C10orf105: variants seen among roughly 807,000 people sequenced by gnomAD.
C10orf105 encodes chromosome 10 open reading frame 105.
In C10orf105, 2 loss-of-function variants were observed where a neutral mutation model predicts 0.6. The ratio of observed to expected loss-of-function variants is 3.18; its 90% CI spans 1.30 to 10.01. C10orf105 has a LOEUF of 10.01. Ranked by LOEUF, C10orf105 falls within the 30% of genes most tolerant of loss-of-function variation. The probability of loss-of-function intolerance (pLI) is 0.04; values close to 1 mark genes in which losing one functional copy is unlikely to be tolerated. For missense variants in C10orf105, 209 were observed against 191.4 expected (o/e 1.09, Z -0.54); for synonymous variants, 95 against 82.4 (o/e 1.15, Z -0.83).
chr10:71,737,037 G>A (rs183081352), intron 1 of C10orf105, among the ~76,000 whole-genome samples: 5 of 152,310 alleles, frequency 3.3e-5, no homozygotes, highest in African/African-American at 9.6e-5. Flanking sequence ...GTCTAAATGA[G>A]GCCTTAGCTA....
chr10:71,729,420 G>A (rs1839278769), intron 1 of C10orf105, among the ~76,000 whole-genome samples: 1 of 152,200 alleles, frequency 6.6e-6, no homozygotes, highest in Non-Finnish European at 1.5e-5. Flanking sequence ...CCCCCAGGGA[G>A]CCCTAAAGCG....
At chr10:71,725,246 C>T (rs1866752245) in intron 1 of C10orf105, 3 of 1,506,962 alleles carry the variant, frequency 2.0e-6, no homozygotes, top group African/African-American at 1.4e-5. Flanking sequence ...TTCTGTGTCC[C>T]AGAAGACCCG....
chr10:71,732,397 G>T lies in C10orf105; in HGVS notation c.-6+5331C>A, dbSNP rs727502926. The T allele has an allele frequency of 6.4e-7, 1 of 1,552,980 alleles. No individual in the cohort carries two copies. The highest frequency in any genetic ancestry group is 8.7e-7 in the Non-Finnish European group (1 of 1,147,730). On this transcript the variant is annotated intron_variant, in intron 1 of 1. Transcript: ENST00000398786. ...CACGGTGAGGGGCTGGGGGCAGGGAGCACCATTTCTTCCAATCTAACCAAC... is the reference window on the plus strand; with the variant it reads ...CACGGTGAGGGGCTGGGGGCAGGGATCACCATTTCTTCCAATCTAACCAAC...
rs773489759 is a variant in C10orf105, at chr10:71,713,545, C to A, written c.*2391G>T. On this transcript the variant is annotated 3_prime_UTR_variant, in exon 2 of 2. Transcript: ENST00000441508. ...CCCTCCCTGCATCGGGACCAGGAGG[C>A]GGGCAGGAAAGGGCTGGGGAGCAGG... 4 of 481,484 alleles carry A rather than the reference C, an allele frequency of 8.3e-6. No individual in the cohort carries two copies. In the Admixed American group the frequency reaches 1.1e-4, roughly 13 times the overall value. The allele number at this position is 481,484 out of a possible 1,614,324, so 29.8% of individuals were successfully genotyped here.
chr10:71,721,221 T>A (rs1054357831), upstream of C10orf105, among the ~76,000 whole-genome samples: 8 of 152,172 alleles, frequency 5.3e-5, no homozygotes, highest in Non-Finnish European at 1.0e-4. Context: ...CTTCCAGATC[T>A]GGACAATTGA....
intron 1 of C10orf105, among the ~76,000 whole-genome samples, chr10:71,730,985 G>A (rs756846905): frequency 2.8e-4 from 43 of 152,194 alleles, no homozygotes; most frequent in African/African-American, 8.9e-4. Flanking sequence ...GCCCCTCCAC[G>A]CCTTCCAGGA....
At chr10:71,734,385 C>A in intron 1 of C10orf105, 1 of 1,555,972 alleles carries the variant, frequency 6.4e-7, no homozygotes, top group Non-Finnish European at 8.7e-7. Flanking sequence ...CGGCCCATCG[C>A]TGGCCATGAC....
chr10:71,722,857 A>G (rs1866620835), upstream of C10orf105, among the ~76,000 whole-genome samples: 1 of 152,202 alleles, frequency 6.6e-6, no homozygotes, highest in South Asian at 2.1e-4. Context: ...GTGCCAGGGC[A>G]GTTAAGAGGA....
At chr10:71,733,228 C>T (rs544559019) in intron 1 of C10orf105, among the ~76,000 whole-genome samples, 15 of 152,326 alleles carry the variant, frequency 9.8e-5, no homozygotes, top group African/African-American at 3.6e-4. Context: ...AAGAGACACA[C>T]AGAGCAAGGC....
At chr10:71,718,161 GA>G (rs1444805425) in intron 1 of C10orf105, among the ~76,000 whole-genome samples, 1 of 152,192 alleles carries the variant, frequency 6.6e-6, no homozygotes, top group Non-Finnish European at 1.5e-5. Flanking sequence ...TTCTAGCACG[GA>G]AGCTCAGGAG....
upstream of C10orf105, among the ~76,000 whole-genome samples, chr10:71,721,931 G>A (rs1032214839): frequency 1.3e-5 from 2 of 152,170 alleles, no homozygotes; most frequent in Admixed American, 6.5e-5. Flanking sequence ...CAGCACAAAT[G>A]TTCTTCCCAA....
intron 1 of C10orf105, chr10:71,734,241 G>T: frequency 6.2e-7 from 1 of 1,608,270 alleles, no homozygotes. Flanking sequence ...TCCCTGCAGG[G>T]TGTGATCACA....
At chr10:71,729,408 G>GT (rs1839278267) in intron 1 of C10orf105, among the ~76,000 whole-genome samples, 2 of 152,222 alleles carry the variant, frequency 1.3e-5, no homozygotes. Context: ...CTAGGCCTCC[G>GT]TCCCCCAGGG....
At position 71,714,832 on chromosome 10, in the gene C10orf105, G is replaced by A. The variant is rs1266201822; in HGVS notation, c.*1104C>T. 6.6e-6 allele frequency: 1 copy of A among 152,280 alleles called. No homozygotes were observed. Among genetic ancestry groups the A allele is most frequent in the Non-Finnish European group, 1.5e-5 (1 of 68,088 alleles). The allele number at this position is 152,280 out of a possible 1,614,324, so 9.4% of individuals were successfully genotyped here. On this transcript the variant is annotated 3_prime_UTR_variant, in exon 2 of 2. Coordinates refer to ENST00000441508, the MANE Select transcript of C10orf105 (RefSeq NM_001164375.3). Reference sequence around the variant, plus strand: ...GTGGTGGGATCCTGGCCAGCTGACTGGGACAGGAGCTGGGCAGCCCAGGTC... The same window carrying A: ...GTGGTGGGATCCTGGCCAGCTGACTAGGACAGGAGCTGGGCAGCCCAGGTC...
rs757027938 is a variant in C10orf105, at chr10:71,730,449, C to G, written c.-6+7279G>C. On this transcript the variant is annotated intron_variant, in intron 1 of 1. Coordinates refer to the C10orf105 transcript ENST00000398786. ...CCTCCACCCCACCCTGACCTTGCAC[C>G]CCTGGCCCGGCTCCCACAGGTGATT... The G allele has an allele frequency of 5.0e-6, 8 of 1,612,498 alleles. No homozygotes were observed. The East Asian group carries it at 1.1e-4, about 22-fold the overall frequency.
chr10:71,728,673 C>A (rs1866921225), intron 1 of C10orf105, among the ~76,000 whole-genome samples: 1 of 152,228 alleles, frequency 6.6e-6, no homozygotes, highest in African/African-American at 2.4e-5. Flanking sequence ...ATTTGCTTCC[C>A]TCTCTACTTT....
intron 1 of C10orf105, chr10:71,734,141 G>A (rs568864792): frequency 2.5e-4 from 244 of 966,640 alleles, no homozygotes; most frequent in Non-Finnish European, 3.6e-4. Context: ...AAGTTATGCC[G>A]GACAGAGGAA....
upstream of C10orf105, among the ~76,000 whole-genome samples, chr10:71,720,205 C>T (rs1214030168): frequency 6.6e-6 from 1 of 152,182 alleles, no homozygotes; most frequent in East Asian, 1.9e-4. Context: ...CCTCCTGCAG[C>T]GTCCCTGGGC....
Position 71,715,998 on chromosome 10 carries a change from G to T in C10orf105, c.340C>A (p.Pro114Thr). The T allele has an allele frequency of 6.7e-7, 1 of 1,498,228 alleles. No individual in the cohort carries two copies. The highest frequency in any genetic ancestry group is 8.9e-7 in the Non-Finnish European group (1 of 1,123,202). The allele number at this position is 1,498,228 out of a possible 1,614,324, so 92.8% of individuals were successfully genotyped here. ...CGGTTGTCCTCGGGGCCCGGCAGGGGCTGTCGAGGGACGGTGGGCCGGCCA... is the reference window on the plus strand; with the variant it reads ...CGGTTGTCCTCGGGGCCCGGCAGGGTCTGTCGAGGGACGGTGGGCCGGCCA... ...RHGRPTVPRQ[P>T]LPGPEDNRSH... is the part of the protein sequence containing the mutation. Residue 114 changes from proline (P) to threonine (T), a missense_variant, in exon 2 of 2, where the codon CCC becomes ACC. Pro to Thr is a conservative substitution (Grantham distance 38, BLOSUM62 -1). Transcript: ENST00000441508.
Sources: gnomAD v4.1 joint callset for allele counts (sites outside exome capture counted in the v4.1 genomes callset) on GRCh38, gnomAD v4.1.1 for gene constraint, MANE v1.5 for transcripts, NCBI Gene and HGNC (gene_info 2026-07-23, HGNC 2026-07-21) for gene names.